Variants in NLGN1 observed in about 807,000 individuals in gnomAD.
The protein encoded by NLGN1 is neuroligin 1, also known as neuroligin-1.
In NLGN1, 12 loss-of-function variants were observed where a neutral mutation model predicts 65.5. The ratio of observed to expected loss-of-function variants is 0.18; its 90% CI spans 0.12 to 0.30. The LOEUF is 0.30. Among genes scored for constraint, NLGN1 ranks in the 10% least tolerant of loss-of-function variants. The pLI, the probability that NLGN1 is intolerant of heterozygous loss-of-function variation, is 1.00. For synonymous variants in NLGN1, 350 were observed against 359.5 expected, an observed-to-expected ratio of 0.97 and a Z score of 0.30; for missense variants, 750 against 1,007.1, an observed-to-expected ratio of 0.74 and a Z score of 3.46.
chr3:173,467,522 C>G (rs1415913547), intron 2 of NLGN1, among the ~76,000 whole-genome samples: 3 of 152,106 alleles, frequency 2.0e-5, no homozygotes, highest in Non-Finnish European at 4.4e-5. Flanking sequence ...ACAATTAATA[C>G]TTTCACTAGA....
chr3:173,399,301 A>C (rs1462835987), intron 1 of NLGN1, among the ~76,000 whole-genome samples: 1 of 152,206 alleles, frequency 6.6e-6, no homozygotes, highest in African/African-American at 2.4e-5. Flanking sequence ...GCAGAAATTG[A>C]GGGAGTCAAT....
intron 3 of NLGN1, among the ~76,000 whole-genome samples, chr3:173,773,505 T>C (rs1236472043): frequency 3.9e-5 from 6 of 152,198 alleles, no homozygotes; most frequent in South Asian, 4.1e-4. Flanking sequence ...TTTAAAAAAG[T>C]ATAGTGCCAT....
chr3:174,132,761 TTGAG>T (rs1488703898), intron 4 of NLGN1, among the ~76,000 whole-genome samples: 1 of 152,156 alleles, frequency 6.6e-6, no homozygotes, highest in Non-Finnish European at 1.5e-5. Context: ...CAACAAATGA[TTGAG>T]TATGTCCCAG....
At chr3:173,600,723 T>G (rs945284518) in intron 2 of NLGN1, among the ~76,000 whole-genome samples, 5 of 151,740 alleles carry the variant, frequency 3.3e-5, no homozygotes, top group African/African-American at 1.2e-4. Flanking sequence ...TTAGAGTAAT[T>G]TTTTTTAGAT....
At chr3:174,133,893 A>ACACACACACACACACACACAC (rs1720691989) in intron 4 of NLGN1, among the ~76,000 whole-genome samples, 1 of 144,804 alleles carries the variant, frequency 6.9e-6, no homozygotes. Flanking sequence ...CACCCCACAA[A>ACACACACACACACACACACAC]ACACACACAC....
chr3:174,056,609 T>A (rs1736152029), intron 4 of NLGN1, among the ~76,000 whole-genome samples: 1 of 152,022 alleles, frequency 6.6e-6, no homozygotes, highest in African/African-American at 2.4e-5. Context: ...CCAGGATACA[T>A]AATGGGATTT....
intron 4 of NLGN1, among the ~76,000 whole-genome samples, chr3:174,034,065 C>G (rs1031924258): frequency 2.0e-5 from 3 of 151,848 alleles, no homozygotes; most frequent in Non-Finnish European, 4.4e-5. Context: ...AGAAAGAAGC[C>G]AGAGAGAAAC....
At chr3:173,795,892 A>G (rs996850707) in intron 3 of NLGN1, among the ~76,000 whole-genome samples, 5 of 152,144 alleles carry the variant, frequency 3.3e-5, no homozygotes, top group Admixed American at 1.3e-4. Context: ...CTTTACAATC[A>G]GTTTACTTCA....
chr3:174,031,176 C>T (rs1453488061), intron 4 of NLGN1, among the ~76,000 whole-genome samples: 1 of 152,136 alleles, frequency 6.6e-6, no homozygotes, highest in Non-Finnish European at 1.5e-5. Context: ...CACACCAGTT[C>T]CTTCTCCACA....
intron 4 of NLGN1, among the ~76,000 whole-genome samples, chr3:174,020,592 G>A (rs893331218): frequency 1.3e-5 from 2 of 152,058 alleles, no homozygotes; most frequent in African/African-American, 4.8e-5. Flanking sequence ...ACAGGTTGAG[G>A]ATGCCTGTAT....
At chr3:174,067,414 A>T (rs1738871230) in intron 4 of NLGN1, among the ~76,000 whole-genome samples, 1 of 152,188 alleles carries the variant, frequency 6.6e-6, no homozygotes, top group South Asian at 2.1e-4. Flanking sequence ...CAATACCCAG[A>T]ATTGATTTCC....
chr3:173,883,814 CTTTT>C (rs74363696), intron 4 of NLGN1, among the ~76,000 whole-genome samples: 1 of 96,486 alleles, frequency 1.0e-5, no homozygotes, highest in African/African-American at 4.0e-5. Context: ...GGGAAACTTT[CTTTT>C]TTTTTTTTTT....
intron 3 of NLGN1, among the ~76,000 whole-genome samples, chr3:173,624,839 G>GT (rs5854525): frequency 1.5e-4 from 23 of 149,134 alleles, no homozygotes; most frequent in Non-Finnish European, 3.0e-4. Flanking sequence ...ATTTATAATT[G>GT]TTTTTTTTTT....
intron 4 of NLGN1, among the ~76,000 whole-genome samples, chr3:174,083,429 CTA>C (rs919244625): frequency 1.3e-5 from 2 of 151,966 alleles, no homozygotes; most frequent in African/African-American, 4.8e-5. Flanking sequence ...TATGTATTAA[CTA>C]TTATGATGAA....
At chr3:173,678,956 T>A (rs374087410) in intron 3 of NLGN1, among the ~76,000 whole-genome samples, 2 of 151,954 alleles carry the variant, frequency 1.3e-5, no homozygotes, top group African/African-American at 4.8e-5. Context: ...TTGGTTCCAT[T>A]AAGTGAGAGA....
intron 4 of NLGN1, among the ~76,000 whole-genome samples, chr3:173,974,027 G>A (rs577018093): frequency 1.3e-4 from 20 of 152,030 alleles, no homozygotes; most frequent in Non-Finnish European, 2.4e-4. Context: ...AACAGAATTA[G>A]ATTAATGAAA....
chr3:173,817,325 A>G (rs1057045015), intron 4 of NLGN1, among the ~76,000 whole-genome samples: 2 of 152,240 alleles, frequency 1.3e-5, no homozygotes, highest in Non-Finnish European at 2.9e-5. Flanking sequence ...CTGAGCAGGT[A>G]AGTGACATGA....
At chr3:173,856,174 T>A (rs1043119937) in intron 4 of NLGN1, among the ~76,000 whole-genome samples, 1 of 152,146 alleles carries the variant, frequency 6.6e-6, no homozygotes, top group Non-Finnish European at 1.5e-5. Flanking sequence ...CCAAAGCCAC[T>A]TTCTGAATGC....
intron 4 of NLGN1, among the ~76,000 whole-genome samples, chr3:174,205,279 C>T (rs1426441450): frequency 6.6e-6 from 1 of 151,964 alleles, no homozygotes; most frequent in Non-Finnish European, 1.5e-5. Context: ...TTTTAGAATA[C>T]AATTAGCTTG....
Sources: gnomAD v4.1 joint callset for allele counts (sites outside exome capture counted in the v4.1 genomes callset) on GRCh38, gnomAD v4.1.1 for gene constraint, MANE v1.5 for transcripts, NCBI Gene and HGNC (gene_info 2026-07-23, HGNC 2026-07-21) for gene names.